Variants in ZNF608 observed in about 807,000 individuals in gnomAD.
ZNF608 encodes zinc finger protein 608, also known as renal carcinoma antigen NY-REN-36.
Under a neutral mutation model 109.0 loss-of-function variants are expected in ZNF608, and 12 were observed. The observed-to-expected ratio is 0.11, with a 90% CI of 0.07 to 0.18. The LOEUF (loss-of-function observed/expected upper bound fraction) is 0.18. Ranked by LOEUF, ZNF608 falls within the 10% of genes least tolerant of loss-of-function variation. The probability of loss-of-function intolerance (pLI) is 1.00; values close to 1 mark genes in which losing one functional copy is unlikely to be tolerated. For missense variants in ZNF608, 1,707 were observed against 1,879.3 expected, an observed-to-expected ratio of 0.91 and a Z score of 1.70; for synonymous variants, 732 against 717.4, an observed-to-expected ratio of 1.02 and a Z score of -0.33.
intron 5 of ZNF608, among the ~76,000 whole-genome samples, chr5:124,646,178 G>A (rs994012191): frequency 5.3e-5 from 8 of 152,124 alleles, no homozygotes; most frequent in African/African-American, 1.2e-4. Context: ...TCGCTAACAC[G>A]GTGAAACCCC....
chr5:124,732,009 C>T (rs1748932738), intron 2 of ZNF608, among the ~76,000 whole-genome samples: 1 of 152,070 alleles, frequency 6.6e-6, no homozygotes, highest in African/African-American at 2.4e-5. Flanking sequence ...TCTCTTTGCT[C>T]CCCAATTCCT....
At chr5:124,683,108 T>C (rs1000720127) in intron 3 of ZNF608, among the ~76,000 whole-genome samples, 1 of 152,178 alleles carries the variant, frequency 6.6e-6, no homozygotes, top group Non-Finnish European at 1.5e-5. Flanking sequence ...GAGGCCCACA[T>C]GGCATAGCAA....
chr5:124,672,278 AT>A (rs1044630238), intron 3 of ZNF608, among the ~76,000 whole-genome samples: 1 of 152,122 alleles, frequency 6.6e-6, no homozygotes, highest in Non-Finnish European at 1.5e-5. Context: ...ACTCCTAAAT[AT>A]TGTGATTTGG....
chr5:124,747,054 A>G (rs1389507305), upstream of ZNF608, among the ~76,000 whole-genome samples: 2 of 152,108 alleles, frequency 1.3e-5, no homozygotes, highest in Non-Finnish European at 2.9e-5. Context: ...TTGTTTTAAG[A>G]AAAAGGAACT....
intron 3 of ZNF608, among the ~76,000 whole-genome samples, chr5:124,695,379 A>G (rs1196395214): frequency 3.3e-5 from 5 of 152,226 alleles, no homozygotes; most frequent in African/African-American, 1.2e-4. Flanking sequence ...GAAAAGTTCT[A>G]TTTTCAGTAG....
upstream of ZNF608, among the ~76,000 whole-genome samples, chr5:124,748,270 T>C (rs1391589925): frequency 2.6e-5 from 4 of 152,184 alleles, no homozygotes; most frequent in Admixed American, 6.5e-5. Flanking sequence ...TGCAACTGTG[T>C]CACTTTTATT....
intron 3 of ZNF608, among the ~76,000 whole-genome samples, chr5:124,654,914 GC>G (rs1312087978): frequency 2.0e-5 from 3 of 152,214 alleles, no homozygotes; most frequent in South Asian, 4.1e-4. Context: ...GTAATACATG[GC>G]CCCCATAATA....
At chr5:124,657,574 C>T (rs1041656024) in intron 3 of ZNF608, among the ~76,000 whole-genome samples, 8 of 152,094 alleles carry the variant, frequency 5.3e-5, no homozygotes, top group African/African-American at 9.7e-5. Context: ...ACTCGGGAGG[C>T]GGAGGCAGGT....
Position 124,649,031 on chromosome 5 carries a change from G to A in ZNF608, c.1353C>T (p.Phe451=). The change falls in exon 5 of 10, where the codon TTC becomes TTT. Residue 451 remains phenylalanine, a synonymous_variant. Coordinates refer to ENST00000513986, the MANE Select transcript of ZNF608 (RefSeq NM_020747.3). The part of the protein sequence containing the change: ...AAAAPGSEAS[F]TESRGLQNKN... ...TATTCTGCAGCCCTCTGGACTCTGT[G>A]AAGCTGGCCTCGGAGCCCGGGGCAG... 1.2e-6 allele frequency: 2 copies of A among 1,614,158 alleles called. No homozygotes were observed. Among genetic ancestry groups the A allele is most frequent in the South Asian group, 1.1e-5 (1 of 91,082 alleles).
intron 5 of ZNF608, among the ~76,000 whole-genome samples, chr5:124,646,218 G>A (rs1367808968): frequency 2.0e-5 from 3 of 152,010 alleles, no homozygotes; most frequent in Non-Finnish European, 4.4e-5. Flanking sequence ...AAAATTAGCC[G>A]GGCATGGTGG....
chr5:124,646,130 G>A (rs1003837157), intron 5 of ZNF608, among the ~76,000 whole-genome samples: 4 of 152,094 alleles, frequency 2.6e-5, no homozygotes, highest in African/African-American at 4.8e-5. Flanking sequence ...TGGGAGGCCA[G>A]GGTGGGCGGA....
rs71679269 is a variant in ZNF608 at position 124,680,349 on chromosome 5, C to CA, written c.1162+20664dup. 9.2e-3 allele frequency among the ~76,000 whole-genome samples: 1,251 copies of CA among 135,980 alleles called. 10 individuals are homozygous for CA. The highest frequency in any genetic ancestry group is 0.019 in the Middle Eastern group (5 of 262). 89.2% of individuals were successfully genotyped at this position (135,980 alleles called of 152,430 possible). On this transcript the variant is annotated intron_variant, in intron 3 of 9. Coordinates refer to ENST00000513986, the MANE Select transcript of ZNF608 (RefSeq NM_020747.3). Reference sequence around the variant, plus strand: ...TTGTAAAATGGGGATATTATGGCCACAAAAAAAAAAAAGGAAGATTTAAGT... The same window carrying CA: ...TTGTAAAATGGGGATATTATGGCCACAAAAAAAAAAAAAGGAAGATTTAAGT...
intron 2 of ZNF608, among the ~76,000 whole-genome samples, chr5:124,707,011 G>A (rs535918366): frequency 8.9e-4 from 135 of 152,268 alleles, no homozygotes; most frequent in African/African-American, 3.1e-3. Context: ...TGGGTTGGGG[G>A]CGGGCAATCT....
intron 3 of ZNF608, among the ~76,000 whole-genome samples, chr5:124,658,187 T>G (rs1751097638): frequency 6.6e-6 from 1 of 152,034 alleles, no homozygotes; most frequent in Non-Finnish European, 1.5e-5. Flanking sequence ...TTCAGCAAGG[T>G]CAGCAAGTCA....
At position 124,726,553 on chromosome 5, in the gene ZNF608, A is replaced by T. The variant is rs528199712; in HGVS notation, c.906+17531T>A. ...ACTTCCATGCCTACCAAAGAAGCCT[A>T]TCTTCTCTCACCAGGACCACTGAAA... On this transcript the variant is annotated intron_variant, in intron 2 of 9. Coordinates refer to ENST00000513986, the MANE Select transcript of ZNF608 (RefSeq NM_020747.3). Among the ~76,000 whole-genome samples the T allele has an allele frequency of 7.9e-5, 12 of 151,790 alleles. No homozygotes were observed. The South Asian group carries it at 2.5e-3, about 32-fold the overall frequency.
chr5:124,704,521 G>A (rs1236910136), intron 2 of ZNF608, among the ~76,000 whole-genome samples: 1 of 152,116 alleles, frequency 6.6e-6, no homozygotes, highest in African/African-American at 2.4e-5. Flanking sequence ...TTTGCAGGTG[G>A]GGATTACAGC....
chr5:124,701,363 T>G, intron 2 of ZNF608, 94 bp from the exon 3 acceptor site: 1 of 1,448,400 alleles, frequency 6.9e-7, no homozygotes, highest in Non-Finnish European at 9.4e-7. Context: ...ATATCACCAT[T>G]CCAAATTCCA....
intron 3 of ZNF608, among the ~76,000 whole-genome samples, chr5:124,672,375 C>T (rs1018875805): frequency 6.6e-6 from 1 of 152,168 alleles, no homozygotes; most frequent in East Asian, 1.9e-4. Context: ...TATGCTCTTC[C>T]TCCATGGAAA....
chr5:124,655,174 T>C (rs1750951870), intron 3 of ZNF608, among the ~76,000 whole-genome samples: 1 of 152,244 alleles, frequency 6.6e-6, no homozygotes, highest in Admixed American at 6.5e-5. Context: ...CCACTAGTTT[T>C]ATAGATGATA....
Sources: allele counts gnomAD v4.1 joint callset (sites outside exome capture counted in the v4.1 genomes callset), GRCh38; gene constraint gnomAD v4.1.1; transcripts MANE v1.5; gene names NCBI Gene and HGNC (gene_info 2026-07-23, HGNC 2026-07-21).